Variants in AMMECR1 observed in about 807,000 individuals in gnomAD.
AMMECR1 encodes the protein AMMECR nuclear protein 1.
In AMMECR1, 3 loss-of-function variants were observed where a neutral mutation model predicts 22.5. That is an observed-to-expected ratio of 0.13 (90% CI 0.06 to 0.35). The LOEUF (loss-of-function observed/expected upper bound fraction) is 0.35. Among genes scored for constraint, AMMECR1 ranks in the 10% least tolerant of loss-of-function variants. AMMECR1 has a pLI of 1.00. For synonymous variants in AMMECR1, 130 were observed against 116.7 expected (o/e 1.11, Z -0.74); for missense variants, 235 against 278.7 (o/e 0.84, Z 1.12).
intron 2 of AMMECR1, among the ~76,000 whole-genome samples, chrX:110,374,568 T>C (rs2068362513): frequency 8.9e-6 from 1 of 112,128 alleles, no homozygotes; most frequent in South Asian, 3.7e-4. Flanking sequence ...AGGTCCTCTT[T>C]AACATGTACT....
intron 2 of AMMECR1, among the ~76,000 whole-genome samples, chrX:110,386,724 C>A (rs1360021489): frequency 9.0e-6 from 1 of 111,660 alleles, no homozygotes; most frequent in Admixed American, 9.5e-5. Flanking sequence ...AGAATGAGAT[C>A]TAAAATCACC....
At chrX:110,236,192 G>A (rs1236912995) in intron 2 of AMMECR1, among the ~76,000 whole-genome samples, 1 of 111,898 alleles carries the variant, frequency 8.9e-6, no homozygotes, top group Admixed American at 9.5e-5. Flanking sequence ...CAACAAATAT[G>A]TATTGAGTGC....
intron 2 of AMMECR1, among the ~76,000 whole-genome samples, chrX:110,334,437 A>G (rs935046451): frequency 4.5e-5 from 5 of 112,112 alleles, no homozygotes; most frequent in Admixed American, 9.5e-5. Context: ...TTGAAAAGGC[A>G]CAAATGAGTA....
intron 2 of AMMECR1, among the ~76,000 whole-genome samples, chrX:110,377,576 G>A (rs948920283): frequency 4.5e-5 from 5 of 112,056 alleles, no homozygotes; most frequent in Non-Finnish European, 9.4e-5. Context: ...GTGCTGCACA[G>A]TATTTTCTTA....
At chrX:110,386,999 G>T (rs1318394091) in intron 2 of AMMECR1, among the ~76,000 whole-genome samples, 3 of 112,542 alleles carry the variant, frequency 2.7e-5, no homozygotes, top group Admixed American at 9.4e-5. Context: ...GCATGGAAAA[G>T]AATTGCTATG....
At chrX:110,274,777 A>G (rs1053856566) in intron 1 of AMMECR1, among the ~76,000 whole-genome samples, 143 of 111,751 alleles carry the variant, frequency 1.3e-3, no homozygotes, top group African/African-American at 4.5e-3. Context: ...TTTGTTTTCT[A>G]TATTTCCCAT....
intron 1 of AMMECR1, among the ~76,000 whole-genome samples, chrX:110,315,931 T>C (rs2068045780): frequency 8.9e-6 from 1 of 112,618 alleles, no homozygotes; most frequent in Admixed American, 9.4e-5. Flanking sequence ...TACATGGCAG[T>C]CTTTTCAAAA....
Position 110,252,402 on chromosome X carries a change from G to A in AMMECR1, c.584+12087C>T, listed in dbSNP as rs2067690429. The stretch of plus-strand genomic sequence containing the variant: ...GTTCATGACTAGCCTGGGTAACATA[G>A]TGAGACGCTGTTCCCCACAAAAAGA... On this transcript the variant is annotated intron_variant, in intron 2 of 5. Transcript: ENST00000262844. Among the ~76,000 whole-genome samples, 2 of 111,192 alleles carry A rather than the reference G, an allele frequency of 1.8e-5. 1 individual carries two copies. Among genetic ancestry groups the A allele is most frequent in the Non-Finnish European group, 3.8e-5 (2 of 53,008 alleles).
chrX:110,429,552 G>A lies in AMMECR1; in HGVS notation c.-293-2749C>T, dbSNP rs544744208. On this transcript the variant is annotated intron_variant, in intron 1 of 7. Coordinates refer to the AMMECR1 transcript ENST00000372057. ...CTGGAGTACAGTGGCATGCAATCTC[G>A]GCTCACTGCAACCTCCGCCTCCTGG... Among the ~76,000 whole-genome samples, 9 of 105,596 alleles carry A rather than the reference G, an allele frequency of 8.5e-5. No homozygotes were observed. The East Asian group carries it at 2.4e-3, about 28-fold the overall frequency. 91.7% of individuals were successfully genotyped at this position (105,596 alleles called of 115,157 possible).
At chrX:110,327,439 G>A (rs2068102089) in intron 2 of AMMECR1, among the ~76,000 whole-genome samples, 1 of 111,668 alleles carries the variant, frequency 9.0e-6, no homozygotes, top group South Asian at 3.8e-4. Context: ...ATACTGAAGG[G>A]ACTTCAAATA....
At chrX:110,405,375 G>A (rs1354351092) in intron 2 of AMMECR1, among the ~76,000 whole-genome samples, 3 of 111,360 alleles carry the variant, frequency 2.7e-5, no homozygotes, top group Admixed American at 9.5e-5. Flanking sequence ...GGGTAGCAGC[G>A]TAAAAGCCAA....
At chrX:110,335,295 T>G (rs2068136809) in intron 2 of AMMECR1, among the ~76,000 whole-genome samples, 1 of 110,733 alleles carries the variant, frequency 9.0e-6, no homozygotes, top group South Asian at 3.9e-4. Flanking sequence ...AAGACCACCT[T>G]GGGAGCAAAG....
chrX:110,334,211 A>G (rs1279824036), intron 2 of AMMECR1, among the ~76,000 whole-genome samples: 1 of 111,639 alleles, frequency 9.0e-6, no homozygotes. Flanking sequence ...TATTCAATAA[A>G]TCATTGCCAA....
chrX:110,295,154 A>G (rs2067928855), intron 1 of AMMECR1, among the ~76,000 whole-genome samples: 1 of 111,762 alleles, frequency 8.9e-6, no homozygotes, highest in African/African-American at 3.2e-5. Context: ...GTACACATTT[A>G]GTGATAGATA....
chrX:110,386,224 C>T (rs1391078079), intron 2 of AMMECR1, among the ~76,000 whole-genome samples: 1 of 111,191 alleles, frequency 9.0e-6, no homozygotes, highest in Non-Finnish European at 1.9e-5. Context: ...TCCAAAGAGC[C>T]TGCACTATTT....
In AMMECR1 at chrX:110,379,546, G is replaced by C. The variant is rs142759977; in HGVS notation, c.-148+47112C>G. 6.4e-3 allele frequency among the ~76,000 whole-genome samples: 720 copies of C among 111,683 alleles called. 2 individuals are homozygous for C. Among genetic ancestry groups the C allele is most frequent in the South Asian group, 0.019 (50 of 2,665 alleles). On this transcript the variant is annotated intron_variant, in intron 2 of 7. Coordinates refer to the AMMECR1 transcript ENST00000372057. The stretch of plus-strand genomic sequence containing the variant: ...AAGTGACTCAACTTCCCAAGCATGT[G>C]ATTTTACGTATTTTAAAAACAAGTC...
chrX:110,410,357 T>G (rs769186316), intron 2 of AMMECR1, among the ~76,000 whole-genome samples: 1 of 112,067 alleles, frequency 8.9e-6, no homozygotes, highest in South Asian at 3.8e-4. Flanking sequence ...TACATTTACT[T>G]CAGAGTTTGG....
At chrX:110,209,911 A>G (rs2067439211) in intron 3 of AMMECR1, among the ~76,000 whole-genome samples, 1 of 110,072 alleles carries the variant, frequency 9.1e-6, no homozygotes, top group Non-Finnish European at 1.9e-5. Context: ...ATCATACATG[A>G]AATAATAGCT....
chrX:110,417,474 A>G (rs759957373), intron 2 of AMMECR1, among the ~76,000 whole-genome samples: 22 of 109,858 alleles, frequency 2.0e-4, no homozygotes, highest in Non-Finnish European at 3.9e-4. Flanking sequence ...GCAGACGCAA[A>G]TGAGCATTTT....
Sources: allele counts gnomAD v4.1 joint callset (sites outside exome capture counted in the v4.1 genomes callset), GRCh38; gene constraint gnomAD v4.1.1; transcripts MANE v1.5; gene names NCBI Gene and HGNC (gene_info 2026-07-23, HGNC 2026-07-21).